The following PRDM8 variants were observed in gnomAD, a reference collection of about 807,000 sequenced individuals.
PRDM8 encodes PR/SET domain 8.
In PRDM8, 13 loss-of-function variants were observed where a neutral mutation model predicts 46.5. The observed-to-expected ratio is 0.28, with a 90% confidence interval of 0.18 to 0.44. The LOEUF (loss-of-function observed/expected upper bound fraction) is 0.44, where lower values mean the gene tolerates loss of function less well. Among genes scored for constraint, PRDM8 ranks in the 20% least tolerant of loss-of-function variants. PRDM8 has a pLI of 1.00. For missense variants in PRDM8, 998 were observed against 955.0 expected, an observed-to-expected ratio of 1.04 and a Z score of -0.59; for synonymous variants, 473 against 438.4, an observed-to-expected ratio of 1.08 and a Z score of -0.98.
At chr4:80,186,084 A>T (rs1048211303) in intron 1 of PRDM8, among the ~76,000 whole-genome samples, 5 of 152,166 alleles carry the variant, frequency 3.3e-5, no homozygotes, top group African/African-American at 1.2e-4. Context: ...GGTGGCCACA[A>T]GGGAAAACTT....
intron 2 of PRDM8, among the ~76,000 whole-genome samples, chr4:80,192,476 T>A (rs916122336): frequency 3.3e-5 from 5 of 152,146 alleles, no homozygotes; most frequent in African/African-American, 9.7e-5. Flanking sequence ...TGGACACCAA[T>A]TTGAGACTGC....
In PRDM8 at chr4:80,203,518, A is replaced by G; in HGVS notation, c.2056A>G (p.Thr686Ala). The G allele has an allele frequency of 6.2e-7, 1 of 1,610,018 alleles. No individual in the cohort carries two copies. ...RERHHLSRHMTSHN is the reference protein window; with the variant it reads ...RERHHLSRHMASHN ...GCGCCACCACCTCTCCAGGCACATG[A>G]CCTCGCATAATTGACTCGGAAAGGA... Residue 686 changes from threonine to alanine, a missense_variant, in exon 4 of 4, where the codon ACC becomes GCC. Coordinates refer to ENST00000415738, the MANE Select transcript of PRDM8 (RefSeq NM_001099403.2).
chr4:80,196,816 C>T (rs1165568686), upstream of PRDM8: 5 of 844,546 alleles, frequency 5.9e-6, no homozygotes, highest in African/African-American at 7.4e-5. Flanking sequence ...ACCCCACCTC[C>T]GCCCACGTAC....
Position 80,200,185 on chromosome 4 carries a change from C to T in PRDM8, c.105C>T (p.Ile35=). The change falls in exon 2 of 4, where the codon ATC becomes ATT. Residue 35 remains isoleucine (I), a synonymous_variant. Transcript: ENST00000415738. The stretch of plus-strand genomic sequence containing the variant: ...CCAGCGTTTACACCACCTGCGACAT[C>T]CCTGAGAATGCTATATTTGGTCCCT... ...IFTSVYTTCD[I]PENAIFGPCV... 6.2e-7 allele frequency: 1 copy of T among 1,614,070 alleles called. No individual in the cohort carries two copies. The highest frequency in any genetic ancestry group is 8.5e-7 in the Non-Finnish European group (1 of 1,179,930).
At position 80,203,116 on chromosome 4, in the gene PRDM8, G is replaced by T. The variant is rs1182316715; in HGVS notation, c.1654G>T (p.Ala552Ser). 6.4e-7 allele frequency: 1 copy of T among 1,568,352 alleles called. No homozygotes were observed. Among genetic ancestry groups the T allele is most frequent in the Admixed American group, 1.8e-5 (1 of 56,454 alleles). ...CCCTCTAGCGGTGAAGCTCCAGGGG[G>T]CCGCGGACCTGAACGGAGGTTGCGG... ...ADPLAVKLQG[A>S]ADLNGGCGSL... Residue 552 changes from alanine to serine, a missense_variant, in exon 4 of 4, where the codon GCC (alanine) becomes TCC (serine). By Grantham distance (99) the Ala-to-Ser change is moderately conservative (BLOSUM62 1). Coordinates refer to ENST00000415738, the MANE Select transcript of PRDM8 (RefSeq NM_001099403.2).
upstream of PRDM8, among the ~76,000 whole-genome samples, chr4:80,193,098 G>A (rs535970740): frequency 6.6e-6 from 1 of 152,140 alleles, no homozygotes; most frequent in East Asian, 1.9e-4. Context: ...GATCATTTAC[G>A]AGGAAAAGCC....
chr4:80,186,673 C>T (rs1737116009), intron 1 of PRDM8, among the ~76,000 whole-genome samples: 1 of 152,160 alleles, frequency 6.6e-6, no homozygotes, highest in Non-Finnish European at 1.5e-5. Context: ...AATTGAAAAC[C>T]AATTAAAAGT....
rs13110335 is a variant in PRDM8, at chr4:80,203,740, C to T, written c.*208C>T. 4.2e-4 allele frequency: 186 copies of T among 446,262 alleles called. No individual in the cohort carries two copies. The highest frequency in any genetic ancestry group is 5.7e-4 in the Non-Finnish European group (147 of 257,964). The allele number at this position is 446,262 out of a possible 1,614,324, so 27.6% of individuals were successfully genotyped here. The stretch of plus-strand genomic sequence containing the variant: ...TCAAATATTTACCCGGGACACACAC[C>T]CCCCCCCACACACACACACAGACAC... On this transcript the variant is annotated 3_prime_UTR_variant, in exon 4 of 4. Coordinates refer to ENST00000415738, the MANE Select transcript of PRDM8 (RefSeq NM_001099403.2).
Position 80,200,110 on chromosome 4 carries a change from C to G in PRDM8, c.30C>G (p.Ile10Met), listed in dbSNP as rs1271002863. Residue 10 changes from isoleucine to methionine, a missense_variant, in exon 2 of 4, where the codon ATC (isoleucine) becomes ATG (methionine). Transcript: ENST00000415738. ...AGGATACTGGCATCCAGCGAGGCATCTGGGATGGAGATGCCAAGGCTGTCC... is the reference window on the plus strand; with the variant it reads ...AGGATACTGGCATCCAGCGAGGCATGTGGGATGGAGATGCCAAGGCTGTCC... MEDTGIQRG[I>M]WDGDAKAVQQ... The G allele has an allele frequency of 6.2e-7, 1 of 1,613,912 alleles. No individual in the cohort carries two copies.
intron 2 of PRDM8, among the ~76,000 whole-genome samples, chr4:80,192,223 G>T (rs1414909829): frequency 6.6e-6 from 1 of 152,162 alleles, no homozygotes; most frequent in Non-Finnish European, 1.5e-5. Flanking sequence ...AGCTAACTGG[G>T]ATTAGATGTC....
In PRDM8 at chr4:80,186,917, G is replaced by A. The variant is rs560626704; in HGVS notation, c.-983+1399G>A. On this transcript the variant is annotated intron_variant, in intron 1 of 9. Coordinates refer to the PRDM8 transcript ENST00000339711. ...TTCTCTGTGCTGCTTTCCCTGCTTCGGGAGCAGCAGTTATGGTAGAAGCAG... is the reference window on the plus strand; with the variant it reads ...TTCTCTGTGCTGCTTTCCCTGCTTCAGGAGCAGCAGTTATGGTAGAAGCAG... Among the ~76,000 whole-genome samples, 30 of 152,254 alleles carry A rather than the reference G, an allele frequency of 2.0e-4. 1 individual carries two copies. The highest frequency in any genetic ancestry group is 6.5e-4 in the African/African-American group (27 of 41,538).
chr4:80,194,443 T>C (rs983400300), upstream of PRDM8, among the ~76,000 whole-genome samples: 4 of 152,196 alleles, frequency 2.6e-5, no homozygotes, highest in Non-Finnish European at 5.9e-5. Context: ...TTCCAGTAAG[T>C]ATTAATGCAG....
chr4:80,203,180 G>A lies in PRDM8; in HGVS notation c.1718G>A (p.Ser573Asn), dbSNP rs777569749. The part of the protein sequence containing the change: ...PSGGGGLPKQ[S>N]PFLYATAFWP... ...GGCGGCGGCGGCCTGCCTAAGCAGA[G>A]CCCCTTCCTGTACGCCACCGCCTTC... The change falls in exon 4 of 4, where the codon AGC becomes AAC. Residue 573 changes from serine to asparagine, a missense_variant. Coordinates refer to ENST00000415738, the MANE Select transcript of PRDM8 (RefSeq NM_001099403.2). 11 of 1,549,122 alleles carry A rather than the reference G, an allele frequency of 7.1e-6. No homozygotes were observed. In the South Asian group the frequency reaches 1.3e-4, roughly 18 times the overall value.
At chr4:80,194,046 T>C (rs1737758397), upstream of PRDM8, 1 of 166,420 alleles carries the variant, frequency 6.0e-6, no homozygotes, top group South Asian at 2.0e-4. Context: ...AGAAAGAGTG[T>C]TCCCATTCTA....
rs757303424 is a variant in PRDM8 at position 80,203,535 on chromosome 4, C to A, written c.*3C>A. The stretch of plus-strand genomic sequence containing the variant: ...GGCACATGACCTCGCATAATTGACT[C>A]GGAAAGGACCCCAGCTTTCCACGCG... On this transcript the variant is annotated 3_prime_UTR_variant, in exon 4 of 4. Coordinates refer to ENST00000415738, the MANE Select transcript of PRDM8 (RefSeq NM_001099403.2). 3 of 1,603,744 alleles carry A rather than the reference C, an allele frequency of 1.9e-6. No individual in the cohort carries two copies. Among genetic ancestry groups the A allele is most frequent in the South Asian group, 2.2e-5 (2 of 89,748 alleles).
chr4:80,195,521 T>TG (rs1560469580), upstream of PRDM8, among the ~76,000 whole-genome samples: 20 of 150,124 alleles, frequency 1.3e-4, no homozygotes, highest in Non-Finnish European at 1.2e-4. Context: ...TGTGTGTGTG[T>TG]TTGTGTGTGT....
At chr4:80,198,464 T>A (rs954760267) in intron 1 of PRDM8, among the ~76,000 whole-genome samples, 9 of 152,192 alleles carry the variant, frequency 5.9e-5, no homozygotes, top group Admixed American at 2.0e-4. Context: ...ATGGGGTTTT[T>A]AAAATGTATT....
intron 2 of PRDM8, 24 bp from the exon 3 acceptor site, chr4:80,201,266 T>C (rs1195390556): frequency 3.1e-6 from 5 of 1,604,830 alleles, no homozygotes; most frequent in Non-Finnish European, 4.3e-6. Context: ...CTTCTTGTCT[T>C]CTTTCATTTA....
chr4:80,203,019 G>A lies in PRDM8; in HGVS notation c.1557G>A (p.Lys519=). 6.5e-7 allele frequency: 1 copy of A among 1,530,758 alleles called. No homozygotes were observed. Among genetic ancestry groups the A allele is most frequent in the Non-Finnish European group, 8.7e-7 (1 of 1,148,188 alleles). 94.8% of individuals were successfully genotyped at this position (1,530,758 alleles called of 1,614,324 possible). The stretch of plus-strand genomic sequence containing the variant: ...TGTCCCCGCTGGTGCTGGGCCAGAA[G>A]CTGGGCGCGCTCGAGCCATGCCACC... The part of the protein sequence containing the change: ...SQLSPLVLGQ[K]LGALEPCHPA... The change falls in exon 4 of 4, where the codon AAG becomes AAA. Residue 519 remains lysine, a synonymous_variant. Coordinates refer to ENST00000415738, the MANE Select transcript of PRDM8 (RefSeq NM_001099403.2).
Sources: gnomAD v4.1 joint callset for allele counts (sites outside exome capture counted in the v4.1 genomes callset) on GRCh38, gnomAD v4.1.1 for gene constraint, MANE v1.5 for transcripts, NCBI Gene and HGNC (gene_info 2026-07-23, HGNC 2026-07-21) for gene names.